The following EFCAB13 variants were observed in gnomAD, a reference collection of about 807,000 sequenced individuals.
The protein encoded by EFCAB13 is EF-hand calcium-binding domain-containing protein 13.
EFCAB13 carries 91 observed loss-of-function variants against 110.2 expected under a neutral mutation model. The ratio of observed to expected loss-of-function variants is 0.83; its 90% CI spans 0.70 to 0.98. EFCAB13 has a LOEUF of 0.98. EFCAB13 is among the 50% of genes least tolerant of loss of function. The pLI is 0.00. For synonymous variants in EFCAB13, 323 were observed against 369.9 expected, an observed-to-expected ratio of 0.87 and a Z score of 1.45; for missense variants, 968 against 1,119.4, an observed-to-expected ratio of 0.86 and a Z score of 1.93.
rs1400721022 is a variant in EFCAB13 at position 47,404,610 on chromosome 17, C to T, written c.2210C>T (p.Thr737Ile). Residue 737 changes from threonine (T) to isoleucine (I), a missense_variant, in exon 20 of 25, where the codon ACC becomes ATC. Coordinates refer to ENST00000331493, the MANE Select transcript of EFCAB13 (RefSeq NM_152347.5). ...GACTGTATGAGGGCTTTGAGGGACA[C>T]CCAGAAATTTTCCAATTATATTGGT... Reference protein sequence around the residue: ...IKDCMRALRDTQKFSNYIDFR... With the variant: ...IKDCMRALRDIQKFSNYIDFR... 6.2e-7 allele frequency: 1 copy of T among 1,612,204 alleles called. No homozygotes were observed. Among genetic ancestry groups the T allele is most frequent in the African/African-American group, 1.3e-5 (1 of 74,774 alleles).
rs574578559 is a variant in EFCAB13, at chr17:47,384,723, TG to T, written c.1582+5473del. 1.0e-3 allele frequency among the ~76,000 whole-genome samples: 154 copies of T among 152,272 alleles called. 1 individual carries two copies. The highest frequency in any genetic ancestry group is 3.6e-3 in the African/African-American group (148 of 41,554). ...GCAGAGAGATCTGCTGTTAGTCTGA[TG>T]GGCTTCCCTTTGTAGGTAACCTGAC... On this transcript the variant is annotated intron_variant, in intron 14 of 24. Transcript: ENST00000331493.
intron 5 of EFCAB13, among the ~76,000 whole-genome samples, chr17:47,336,882 T>TA (rs200414257): frequency 6.6e-4 from 100 of 151,556 alleles, no homozygotes; most frequent in African/African-American, 2.1e-3. Context: ...GACTAAAAAA[T>TA]AAAAAAAAAT....
intron 24 of EFCAB13, 150 bp from the exon 25 acceptor site, chr17:47,440,281 T>A: frequency 1.6e-6 from 1 of 635,830 alleles, no homozygotes. Flanking sequence ...TTGATAATCA[T>A]ATGCATGCAA....
At chr17:47,395,228 GAGA>G (rs2065730695) in intron 16 of EFCAB13, among the ~76,000 whole-genome samples, 1 of 152,122 alleles carries the variant, frequency 6.6e-6, no homozygotes, top group Admixed American at 6.5e-5. Flanking sequence ...AGCATTTCTG[GAGA>G]AGATCACACA....
intron 20 of EFCAB13, among the ~76,000 whole-genome samples, chr17:47,406,195 C>G (rs761617578): frequency 2.0e-5 from 3 of 152,180 alleles, no homozygotes; most frequent in Admixed American, 2.0e-4. Context: ...TCACTGCAAC[C>G]TCTGCCTCCC....
chr17:47,377,526 C>A, intron 12 of EFCAB13: 1 of 235,424 alleles, frequency 4.2e-6, no homozygotes, highest in Non-Finnish European at 8.1e-6. Flanking sequence ...GGCTGTTCCC[C>A]CAAACAAGTA....
At chr17:47,412,702 T>C in intron 21 of EFCAB13, 71 bp from the exon 22 acceptor site, 1 of 1,386,682 alleles carries the variant, frequency 7.2e-7, no homozygotes, top group Non-Finnish European at 9.8e-7. Context: ...GGTTTACCTA[T>C]GGTAGATTTT....
intron 9 of EFCAB13, among the ~76,000 whole-genome samples, chr17:47,351,098 A>G (rs544347807): frequency 2.0e-5 from 3 of 152,162 alleles, no homozygotes; most frequent in Admixed American, 2.0e-4. Flanking sequence ...CTATTATTTC[A>G]TGCTCTATGT....
At chr17:47,415,672 A>G (rs191568527) in intron 23 of EFCAB13, among the ~76,000 whole-genome samples, 1 of 152,286 alleles carries the variant, frequency 6.6e-6, no homozygotes, top group East Asian at 1.9e-4. Flanking sequence ...AGTTTTTGTG[A>G]CATCTTAAGT....
At chr17:47,437,106 C>T (rs1476551309) in intron 24 of EFCAB13, among the ~76,000 whole-genome samples, 1 of 151,994 alleles carries the variant, frequency 6.6e-6, no homozygotes, top group Non-Finnish European at 1.5e-5. Context: ...CAGTTTTATT[C>T]CATTGTGGCC....
intron 5 of EFCAB13, among the ~76,000 whole-genome samples, chr17:47,339,172 T>A (rs11871031): frequency 0.023 from 3,431 of 152,244 alleles, 105 homozygotes; most frequent in East Asian, 0.17. Flanking sequence ...TTCTTGAAAT[T>A]TAAGTCTACC....
chr17:47,351,550 A>G (rs1020548717), intron 9 of EFCAB13, among the ~76,000 whole-genome samples: 2 of 152,110 alleles, frequency 1.3e-5, no homozygotes, highest in East Asian at 1.9e-4. Flanking sequence ...CCATTTTTTC[A>G]TAATGCTCGT....
chr17:47,342,920 A>G (rs577603762), intron 6 of EFCAB13, among the ~76,000 whole-genome samples: 1 of 152,042 alleles, frequency 6.6e-6, no homozygotes, highest in East Asian at 1.9e-4. Flanking sequence ...TTCCTCTGAG[A>G]TTTTAATTTC....
chr17:47,396,434 A>T (rs2065738443), intron 17 of EFCAB13, among the ~76,000 whole-genome samples: 1 of 152,168 alleles, frequency 6.6e-6, no homozygotes, highest in Admixed American at 6.5e-5. Context: ...AAGCAAACAA[A>T]ATAAAAACAA....
chr17:47,413,235 A>C (rs140652945), intron 22 of EFCAB13, among the ~76,000 whole-genome samples: 1 of 100,744 alleles, frequency 9.9e-6, no homozygotes, highest in East Asian at 2.8e-4. Context: ...TTCAGAGGAG[A>C]TCTGCTTTCA....
At position 47,328,403 on chromosome 17, in the gene EFCAB13, T is replaced by G; in HGVS notation, c.30+20T>G. On this transcript the variant is annotated intron_variant, in intron 4 of 24. Transcript: ENST00000331493. ...TGCCAGGTATTTATTTAAAACAGTT[T>G]CTAAAGATTTCTTCTTTCTTCTTTT... 1 of 1,535,082 alleles carries G rather than the reference T, an allele frequency of 6.5e-7. No individual in the cohort carries two copies. The highest frequency in any genetic ancestry group is 8.8e-7 in the Non-Finnish European group (1 of 1,132,766).
At chr17:47,388,506 G>T (rs1011283441) in intron 14 of EFCAB13, among the ~76,000 whole-genome samples, 1 of 152,156 alleles carries the variant, frequency 6.6e-6, no homozygotes, top group Non-Finnish European at 1.5e-5. Flanking sequence ...AATGAAGCCA[G>T]ATTGCTTCTG....
chr17:47,353,850 CA>C (rs1004551684), intron 9 of EFCAB13, among the ~76,000 whole-genome samples: 1 of 151,980 alleles, frequency 6.6e-6, no homozygotes, highest in African/African-American at 2.4e-5. Context: ...TTTTGACTTA[CA>C]TTTTTTTTCT....
At chr17:47,386,680 CA>C (rs1317734498) in intron 14 of EFCAB13, among the ~76,000 whole-genome samples, 9 of 150,992 alleles carry the variant, frequency 6.0e-5, no homozygotes, top group African/African-American at 1.9e-4. Context: ...CTCTGGGGTA[CA>C]AAAAAAAACT....
Sources: allele counts gnomAD v4.1 joint callset (sites outside exome capture counted in the v4.1 genomes callset), GRCh38; gene constraint gnomAD v4.1.1; transcripts MANE v1.5; gene names NCBI Gene and HGNC (gene_info 2026-07-23, HGNC 2026-07-21).